Variants in ROBO4 observed in about 807,000 individuals in gnomAD.
ROBO4 encodes the protein roundabout guidance receptor 4, also known as roundabout homolog 4.
A neutral mutation model predicts 103.3 loss-of-function variants in ROBO4; 80 were observed. The observed-to-expected ratio is 0.77, with a 90% confidence interval of 0.65 to 0.93. The LOEUF (loss-of-function observed/expected upper bound fraction) is 0.93, where lower values mean the gene tolerates loss of function less well. Ranked by LOEUF, ROBO4 falls within the 40% of genes least tolerant of loss-of-function variation. The probability of loss-of-function intolerance (pLI) is 0.00; values close to 1 mark genes in which losing one functional copy is unlikely to be tolerated. For missense variants in ROBO4, 1,333 were observed against 1,305.3 expected, an observed-to-expected ratio of 1.02 and a Z score of -0.33; for synonymous variants, 504 against 529.7, an observed-to-expected ratio of 0.95 and a Z score of 0.67.
chr11:124,885,380 T>C, intron 16 of ROBO4, 133 bp from the exon 17 acceptor site: 1 of 674,788 alleles, frequency 1.5e-6, no homozygotes, highest in Non-Finnish European at 2.5e-6. Flanking sequence ...ACTCAGCCCA[T>C]CAGTCCCAGA....
rs149517154 is a variant in ROBO4 at position 124,895,901 on chromosome 11, A to T, written c.691T>A (p.Tyr231Asn). ...GCCAGAAGCTCCACAGGCTCCGTGT[A>T]GTCCTGGGGCTCTGTGGGGAGGATA... ...ARVSIQEPQD[Y>N]TEPVELLAVR... Residue 231 changes from tyrosine to asparagine, a missense_variant, in exon 5 of 18, where the codon TAC (tyrosine) becomes AAC (asparagine). Physicochemically the swap from Tyr to Asn is moderately radical, Grantham distance 143. Coordinates refer to ENST00000306534, the MANE Select transcript of ROBO4 (RefSeq NM_019055.6). 584 of 1,613,828 alleles carry T rather than the reference A, an allele frequency of 3.6e-4. No individual in the cohort carries two copies. Among genetic ancestry groups the T allele is most frequent in the Non-Finnish European group, 4.8e-4 (563 of 1,179,974 alleles).
At position 124,895,487 on chromosome 11, in the gene ROBO4, T is replaced by G; in HGVS notation, c.1006A>C (p.Asn336His). The G allele has an allele frequency of 6.2e-7, 1 of 1,610,902 alleles. No homozygotes were observed. The highest frequency in any genetic ancestry group is 8.5e-7 in the Non-Finnish European group (1 of 1,179,990). ...SSGRARGPDSNVLLLRLPEKV... is the reference protein window; with the variant it reads ...SSGRARGPDSHVLLLRLPEKV... Reference sequence around the variant, plus strand: ...TCCGGCAGCCTCAGGAGCAGCACGTTGCTGTCAGGGCCTCGAGCCCGGCCA... The same window carrying G: ...TCCGGCAGCCTCAGGAGCAGCACGTGGCTGTCAGGGCCTCGAGCCCGGCCA... The change falls in exon 6 of 18, where the codon AAC becomes CAC. Residue 336 changes from asparagine to histidine, a missense_variant. Physicochemically the swap from Asn to His is moderately conservative, Grantham distance 68. Transcript: ENST00000306534.
Position 124,894,038 on chromosome 11 carries a change from G to A in ROBO4, c.1326C>T (p.Ala442=), listed in dbSNP as rs1425870383. The part of the protein sequence containing the change: ...SRPVCLLLEQ[A]MERATQEPSE... ...TGGGTTCTTGGGTGGCTCGCTCCAT[G>A]GCCTGCTCTGTATGGGATGCAGAGC... Residue 442 remains alanine, a synonymous_variant, in exon 9 of 18, where the codon GCC becomes GCT. Transcript: ENST00000306534. The A allele has an allele frequency of 2.6e-6, 4 of 1,548,296 alleles. No homozygotes were observed. The highest frequency in any genetic ancestry group is 1.7e-6 in the Non-Finnish European group (2 of 1,147,506).
chr11:124,883,772 G>A lies in ROBO4; in HGVS notation c.*1119C>T, dbSNP rs1946669745. 1 of 151,346 alleles carries A rather than the reference G, an allele frequency of 6.6e-6. No individual in the cohort carries two copies. Among genetic ancestry groups the A allele is most frequent in the Non-Finnish European group, 1.5e-5 (1 of 67,926 alleles). The allele number at this position is 151,346 out of a possible 1,614,324, so 9.4% of individuals were successfully genotyped here. ...GATCTGCCTACCTCCGCCTCCCAAA[G>A]TGCTGGGATTACAGGCGTGAGCCAC... On this transcript the variant is annotated 3_prime_UTR_variant, in exon 18 of 18. Coordinates refer to ENST00000306534, the MANE Select transcript of ROBO4 (RefSeq NM_019055.6).
chr11:124,895,606 G>A lies in ROBO4; in HGVS notation c.887C>T (p.Pro296Leu), dbSNP rs546445804. The A allele has an allele frequency of 1.9e-5, 30 of 1,613,680 alleles. No individual in the cohort carries two copies. Among genetic ancestry groups the A allele is most frequent in the South Asian group, 1.8e-4 (16 of 91,082 alleles). The change falls in exon 6 of 18, where the codon CCG becomes CTG. Residue 296 changes from proline to leucine, a missense_variant. Transcript: ENST00000306534. ...TQTAPGGQGA[P>L]WAEELLAGWQ... ...GCCGGCCAGCAGCTCCTCTGCCCAC[G>A]GAGCTCCCTGGCCTCCCGGGGCAGT...
At position 124,894,205 on chromosome 11, in the gene ROBO4, AAGG is replaced by A; in HGVS notation, c.1311_1313del (p.Leu439del). The A allele has an allele frequency of 6.2e-7, 1 of 1,610,114 alleles. No homozygotes were observed. The highest frequency in any genetic ancestry group is 8.5e-7 in the Non-Finnish European group (1 of 1,177,786). On this transcript the variant is annotated inframe_deletion, in exon 8 of 18. Transcript: ENST00000306534. Reference sequence around the variant, plus strand: ...GTCTGTGGGCACTGCCCTCACCTAAAAGGAGGCAGACAGGTCTACTGGGCTCCC... The same window carrying A: ...GTCTGTGGGCACTGCCCTCACCTAAAAGGCAGACAGGTCTACTGGGCTCCC...
chr11:124,887,953 A>G (rs1591531192), intron 12 of ROBO4, 113 bp from the exon 13 acceptor site: 1 of 815,276 alleles, frequency 1.2e-6, no homozygotes, highest in African/African-American at 1.7e-5. Flanking sequence ...GAACCCAGAG[A>G]AAAGAGGGGG....
Position 124,894,304 on chromosome 11 carries a change from C to A in ROBO4, c.1215G>T (p.Gln405His), listed in dbSNP as rs1174823853. The A allele has an allele frequency of 6.2e-7, 1 of 1,614,092 alleles. No individual in the cohort carries two copies. The highest frequency in any genetic ancestry group is 8.5e-7 in the Non-Finnish European group (1 of 1,180,012). Residue 405 changes from glutamine (Q) to histidine (H), a missense_variant, in exon 8 of 18, where the codon CAG (glutamine) becomes CAT (histidine). Gln to His is a conservative substitution (Grantham distance 24). Transcript: ENST00000306534. ...CTGGCATATGGGTGGCGATTTCCAGCTGGGTCTGCTCACCAACTACAGTCC... is the reference window on the plus strand; with the variant it reads ...CTGGCATATGGGTGGCGATTTCCAGATGGGTCTGCTCACCAACTACAGTCC... ...ANWTVVGEQT[Q>H]LEIATHMPGS...
intron 7 of ROBO4, chr11:124,894,592 C>T: frequency 1.8e-6 from 1 of 554,630 alleles, no homozygotes. Context: ...ACACATGTAA[C>T]ATAGCAATTC....
In ROBO4 at chr11:124,897,025, G is replaced by T. The variant is rs753676228; in HGVS notation, c.307C>A (p.Gln103Lys). The T allele has an allele frequency of 2.5e-6, 4 of 1,614,062 alleles. No individual in the cohort carries two copies. Among genetic ancestry groups the T allele is most frequent in the Non-Finnish European group, 3.4e-6 (4 of 1,179,984 alleles). Residue 103 changes from glutamine to lysine, a missense_variant, in exon 2 of 18, where the codon CAG becomes AAG. Gln to Lys is a moderately conservative substitution (Grantham distance 53, BLOSUM62 1). Coordinates refer to ENST00000306534, the MANE Select transcript of ROBO4 (RefSeq NM_019055.6). ...ACACCCAGGTCTGTGGACAGGGCCT[G>T]GCCATCGTGGGCATGTCCCCGGGCA... ...PPARGHAHDG[Q>K]ALSTDLGVYT...
chr11:124,895,220 G>A, intron 6 of ROBO4, 27 bp from the exon 7 acceptor site: 1 of 1,543,270 alleles, frequency 6.5e-7, no homozygotes, highest in Non-Finnish European at 9.0e-7. Context: ...GAGACTATGA[G>A]GGGCTCTGAG....
Position 124,897,190 on chromosome 11 carries a change from G to A in ROBO4, c.142C>T (p.Pro48Ser), listed in dbSNP as rs1946908646. The A allele has an allele frequency of 6.6e-7, 1 of 1,519,992 alleles. No individual in the cohort carries two copies. The highest frequency in any genetic ancestry group is 8.8e-7 in the Non-Finnish European group (1 of 1,134,304). 94.2% of individuals were successfully genotyped at this position (1,519,992 alleles called of 1,614,324 possible). The change falls in exon 2 of 18, where the codon CCT becomes TCT. Residue 48 changes from proline (P) to serine (S), a missense_variant. Pro to Ser is a moderately conservative substitution (Grantham distance 74, BLOSUM62 -1). Coordinates refer to ENST00000306534, the MANE Select transcript of ROBO4 (RefSeq NM_019055.6). ...PQDQLFQGPG[P>S]ARMSCQASGQ... ...GAGGCTTGGCAGCTCATCCTGGCAG[G>A]GCCAGGGCCCTGGAACAGCTGGTCC...
intron 12 of ROBO4, among the ~76,000 whole-genome samples, chr11:124,889,813 C>G (rs1368390347): frequency 6.6e-6 from 1 of 152,068 alleles, no homozygotes; most frequent in African/African-American, 2.4e-5. Context: ...CTCCATGGGT[C>G]TGGAGAAGAC....
chr11:124,891,750 C>A lies in ROBO4; in HGVS notation c.1600G>T (p.Gly534Cys). The A allele has an allele frequency of 6.2e-7, 1 of 1,614,176 alleles. No homozygotes were observed. Among genetic ancestry groups the A allele is most frequent in the East Asian group, 2.2e-5 (1 of 44,888 alleles). The part of the protein sequence containing the change: ...WLADTWRSTS[G>C]SRDLSSSSSL... Reference sequence around the variant, plus strand: ...CTGCTGCTGCTCAGGTCCCGAGAGCCAGAGGTGGAACGCCAAGTGTCTGCC... The same window carrying A: ...CTGCTGCTGCTCAGGTCCCGAGAGCAAGAGGTGGAACGCCAAGTGTCTGCC... Residue 534 changes from glycine to cysteine, a missense_variant, in exon 11 of 18, where the codon GGC becomes TGC. Physicochemically the swap from Gly to Cys is radical, Grantham distance 159. Transcript: ENST00000306534.
chr11:124,887,442 G>A lies in ROBO4; in HGVS notation c.2114C>T (p.Ser705Phe), dbSNP rs1946733731. 1.9e-6 allele frequency: 3 copies of A among 1,613,934 alleles called. No homozygotes were observed. The highest frequency in any genetic ancestry group is 1.7e-5 in the Admixed American group (1 of 60,000). The stretch of plus-strand genomic sequence containing the variant: ...ATGACGAGTAACCAGCTCATTTGAG[G>A]AGCTGAGGAGTTTCGGTCCCAGGGC... ...WRALGPKLLS[S>F]SNELVTRHLP... Residue 705 changes from serine to phenylalanine, a missense_variant, in exon 14 of 18, where the codon TCC (serine) becomes TTC (phenylalanine). Coordinates refer to ENST00000306534, the MANE Select transcript of ROBO4 (RefSeq NM_019055.6).
chr11:124,886,389 C>T, intron 16 of ROBO4, 75 bp downstream of exon 16: 1 of 1,158,402 alleles, frequency 8.6e-7, no homozygotes, highest in South Asian at 1.5e-5. Flanking sequence ...GTTGTTTTAA[C>T]AATGATGACA....
chr11:124,885,246 A>G lies in ROBO4; in HGVS notation c.2796T>C (p.Asp932=), dbSNP rs1439335720. The change falls in exon 17 of 18, where the codon GAT becomes GAC. Residue 932 remains aspartate, a splice_region_variant and synonymous_variant. Transcript: ENST00000306534. ...CCCGTGGGGAGGGAGGTGATGAGGC[A>G]TCTGTCAGGGAGGGTAGAGGTGTCT... ...EPREADCVFI[D]ASSPPSPRDE... 1.9e-6 allele frequency: 3 copies of G among 1,609,584 alleles called. No individual in the cohort carries two copies. The highest frequency in any genetic ancestry group is 2.5e-6 in the Non-Finnish European group (3 of 1,179,782).
At chr11:124,893,287 G>A (rs981451894) in intron 10 of ROBO4, among the ~76,000 whole-genome samples, 1 of 152,202 alleles carries the variant, frequency 6.6e-6, no homozygotes, top group Non-Finnish European at 1.5e-5. Context: ...AGCTGCGGGT[G>A]GACTATGATG....
At position 124,896,530 on chromosome 11, in the gene ROBO4, G is replaced by A; in HGVS notation, c.541C>T (p.Gln181Ter). The change falls in exon 3 of 18, where the codon CAG (glutamine) becomes TAG (stop). Residue 181 changes from glutamine to a stop codon, truncating the protein, a stop_gained. Coordinates refer to ENST00000306534, the MANE Select transcript of ROBO4 (RefSeq NM_019055.6). LOFTEE classifies it high-confidence loss of function. ...ACACTTACTGTGTGCCTTCCGGGCT[G>A]GAGGGCCAGGGGTTTCCCATCTTTC... is the stretch of plus-strand genomic sequence containing the variant. Reference protein sequence around the residue: ...WWKDGKPLALQPGRHTVSGGS... With the variant: ...WWKDGKPLAL 2.5e-6 allele frequency: 4 copies of A among 1,614,126 alleles called. No individual in the cohort carries two copies. Among genetic ancestry groups the A allele is most frequent in the Non-Finnish European group, 3.4e-6 (4 of 1,179,994 alleles).
Sources: gnomAD v4.1 joint callset for allele counts (sites outside exome capture counted in the v4.1 genomes callset) on GRCh38, gnomAD v4.1.1 for gene constraint, MANE v1.5 for transcripts, NCBI Gene and HGNC (gene_info 2026-07-23, HGNC 2026-07-21) for gene names.